The following PTPRD variants were observed in gnomAD, a reference collection of about 807,000 sequenced individuals.
PTPRD encodes receptor-type tyrosine-protein phosphatase delta.
A neutral mutation model predicts 214.5 loss-of-function variants in PTPRD; 34 were observed. The ratio of observed to expected loss-of-function variants is 0.16; its 90% CI spans 0.12 to 0.21. PTPRD has a LOEUF of 0.21. PTPRD is among the 10% of genes least tolerant of loss of function. PTPRD has a pLI of 1.00. For missense variants in PTPRD, 2,545 were observed against 2,398.7 expected (o/e 1.06, Z -1.27); for synonymous variants, 1,128 against 845.7 (o/e 1.33, Z -5.79).
At chr9:9,834,630 C>T (rs959075224) in intron 5 of PTPRD, among the ~76,000 whole-genome samples, 7 of 152,016 alleles carry the variant, frequency 4.6e-5, no homozygotes, top group African/African-American at 1.7e-4. Context: ...GAAGGAGCAA[C>T]CCAAAGCCTC....
chr9:10,280,022 G>C (rs1382440964), intron 3 of PTPRD, among the ~76,000 whole-genome samples: 2 of 152,116 alleles, frequency 1.3e-5, no homozygotes, highest in African/African-American at 4.8e-5. Flanking sequence ...GTAATACTAT[G>C]AGAATGATAC....
At chr9:9,659,006 T>G (rs1333984022) in intron 7 of PTPRD, among the ~76,000 whole-genome samples, 1 of 152,150 alleles carries the variant, frequency 6.6e-6, no homozygotes, top group Non-Finnish European at 1.5e-5. Context: ...TGAATGTGAT[T>G]ATAATTATTT....
At chr9:9,700,014 C>T (rs2097462003) in intron 7 of PTPRD, among the ~76,000 whole-genome samples, 1 of 152,008 alleles carries the variant, frequency 6.6e-6, no homozygotes, top group Non-Finnish European at 1.5e-5. Flanking sequence ...TACAGAAATG[C>T]TTGGATTTGA....
At chr9:10,131,742 TAG>T (rs2098888165) in intron 3 of PTPRD, among the ~76,000 whole-genome samples, 1 of 152,156 alleles carries the variant, frequency 6.6e-6, no homozygotes, top group Non-Finnish European at 1.5e-5. Flanking sequence ...ACAGTAATGG[TAG>T]AAAGTCATGG....
chr9:9,309,458 C>T (rs769790806), intron 9 of PTPRD, among the ~76,000 whole-genome samples: 27 of 152,114 alleles, frequency 1.8e-4, no homozygotes, highest in Non-Finnish European at 2.5e-4. Flanking sequence ...TTATCTCATA[C>T]GTTCATGTGC....
At chr9:10,247,771 T>C (rs183193037) in intron 3 of PTPRD, among the ~76,000 whole-genome samples, 6 of 152,188 alleles carry the variant, frequency 3.9e-5, no homozygotes, top group African/African-American at 1.4e-4. Flanking sequence ...GATAAGAGGA[T>C]TATGTCCCTG....
chr9:9,452,922 T>C (rs1485929676), intron 8 of PTPRD, among the ~76,000 whole-genome samples: 2 of 151,500 alleles, frequency 1.3e-5, no homozygotes, highest in Non-Finnish European at 3.0e-5. Context: ...AAAATTAAAA[T>C]ACAGTTTTAA....
At chr9:9,681,883 G>A (rs1484359247) in intron 7 of PTPRD, among the ~76,000 whole-genome samples, 1 of 151,820 alleles carries the variant, frequency 6.6e-6, no homozygotes, top group South Asian at 2.1e-4. Context: ...TTGACAAGAA[G>A]AAAGTAATAA....
rs544564426 is a variant in PTPRD, at chr9:8,962,260, T to C, written c.-104+56437A>G. On this transcript the variant is annotated intron_variant, in intron 11 of 45. Coordinates refer to ENST00000381196, the MANE Select transcript of PTPRD (RefSeq NM_002839.4). ...ATACACACGCAGGCATCATTTCCTT[T>C]GCAGAGCCACTGTGTGTGGTTTTGA... 6 of 152,280 alleles carry C rather than the reference T, an allele frequency of 3.9e-5. No individual in the cohort carries two copies. In the South Asian group the frequency reaches 1.2e-3, roughly 32 times the overall value. The allele number at this position is 152,280 out of a possible 1,614,324, so 9.4% of individuals were successfully genotyped here. A position where few individuals can be genotyped will look rare whatever the true frequency, so the allele number is the denominator to read the frequency against.
chr9:8,900,427 T>C lies in PTPRD; in HGVS notation c.-104+118270A>G, dbSNP rs1433040203. The stretch of plus-strand genomic sequence containing the variant: ...AAACTGTAATAAAATGGCACAATCA[T>C]AAACAATAAAGAACAAACCCAAATT... On this transcript the variant is annotated intron_variant, in intron 11 of 45. Transcript: ENST00000381196. Among the ~76,000 whole-genome samples the C allele has an allele frequency of 2.6e-5, 4 of 152,302 alleles. No individual in the cohort carries two copies. In the East Asian group the frequency reaches 7.7e-4, roughly 29 times the overall value.
At position 10,460,851 on chromosome 9, in the gene PTPRD, C is replaced by T. The variant is rs184053059; in HGVS notation, c.-599-119834G>A. Among the ~76,000 whole-genome samples, 266 of 152,212 alleles carry T rather than the reference C, an allele frequency of 1.7e-3. 1 individual carries two copies. Among genetic ancestry groups the T allele is most frequent in the African/African-American group, 5.8e-3 (240 of 41,554 alleles). On this transcript the variant is annotated intron_variant, in intron 2 of 45. Coordinates refer to ENST00000381196, the MANE Select transcript of PTPRD (RefSeq NM_002839.4). Reference sequence around the variant, plus strand: ...CTTAGCAATGATTTATTGGGTATCACACCAGAAACTTAGGCTACAAAAGCA... The same window carrying T: ...CTTAGCAATGATTTATTGGGTATCATACCAGAAACTTAGGCTACAAAAGCA...
intron 11 of PTPRD, among the ~76,000 whole-genome samples, chr9:8,948,973 C>T (rs947381317): frequency 6.6e-6 from 1 of 151,840 alleles, no homozygotes; most frequent in Non-Finnish European, 1.5e-5. Context: ...GTGGCTCACG[C>T]CTGTAGTCCC....
intron 9 of PTPRD, among the ~76,000 whole-genome samples, chr9:9,223,735 C>G (rs998363925): frequency 6.6e-6 from 1 of 151,844 alleles, no homozygotes; most frequent in Admixed American, 6.6e-5. Flanking sequence ...AGTGCATTGA[C>G]AATGCAAATC....
At chr9:8,320,268 T>C (rs192945654) in intron 44 of PTPRD, among the ~76,000 whole-genome samples, 5 of 152,226 alleles carry the variant, frequency 3.3e-5, no homozygotes, top group African/African-American at 1.2e-4. Context: ...GTAAATAACA[T>C]ATAGGTTTAT....
chr9:9,460,130 C>G (rs975032432), intron 8 of PTPRD, among the ~76,000 whole-genome samples: 4 of 151,956 alleles, frequency 2.6e-5, no homozygotes, highest in African/African-American at 9.7e-5. Flanking sequence ...GCTAAAAACA[C>G]CTGGCTAGCT....
At chr9:9,803,616 C>T (rs1184091026) in intron 5 of PTPRD, 2 of 151,854 alleles carry the variant, frequency 1.3e-5, no homozygotes, top group African/African-American at 4.8e-5. Context: ...TAACTGGTGC[C>T]TTCTTGATGT....
chr9:9,788,308 T>A (rs552517973), intron 5 of PTPRD, among the ~76,000 whole-genome samples: 1 of 150,968 alleles, frequency 6.6e-6, no homozygotes, highest in Non-Finnish European at 1.5e-5. Flanking sequence ...TCCCAGCACT[T>A]TGGGAGGCCG....
chr9:9,538,284 A>G (rs2076912504), intron 8 of PTPRD, among the ~76,000 whole-genome samples: 1 of 151,968 alleles, frequency 6.6e-6, no homozygotes, highest in Non-Finnish European at 1.5e-5. Flanking sequence ...TCACACACAC[A>G]AGCACAGCAC....
chr9:8,804,937 C>T (rs1433692236), intron 11 of PTPRD, among the ~76,000 whole-genome samples: 3 of 152,096 alleles, frequency 2.0e-5, no homozygotes, highest in African/African-American at 7.2e-5. Flanking sequence ...GAAAGAGAAT[C>T]CTGGTGAATA....
Sources: gnomAD v4.1 joint callset for allele counts (sites outside exome capture counted in the v4.1 genomes callset) on GRCh38, gnomAD v4.1.1 for gene constraint, MANE v1.5 for transcripts, NCBI Gene and HGNC (gene_info 2026-07-23, HGNC 2026-07-21) for gene names.